The following TMEM132C variants were observed in gnomAD, a reference collection of about 807,000 sequenced individuals.
The protein encoded by TMEM132C is protein phosphatase 1, regulatory subunit 152.
TMEM132C carries 29 observed loss-of-function variants against 61.4 expected under a neutral mutation model. The observed-to-expected ratio is 0.47, with a 90% confidence interval of 0.35 to 0.64. The LOEUF is 0.64. Ranked by LOEUF, TMEM132C falls within the 30% of genes least tolerant of loss-of-function variation. The pLI is 0.00. For synonymous variants in TMEM132C, 656 were observed against 633.1 expected (o/e 1.04, Z -0.54); for missense variants, 1,408 against 1,476.9 (o/e 0.95, Z 0.76).
chr12:128,295,871 TTCTCTC>T (rs1315169600), intron 1 of TMEM132C, among the ~76,000 whole-genome samples: 3 of 152,220 alleles, frequency 2.0e-5, no homozygotes, highest in Admixed American at 2.0e-4. Flanking sequence ...TCCTCTGTCT[TTCTCTC>T]TGCTCTGTCA....
chr12:128,337,581 C>T (rs1243591543), intron 1 of TMEM132C, among the ~76,000 whole-genome samples: 15 of 152,242 alleles, frequency 9.9e-5, no homozygotes, highest in Admixed American at 9.2e-4. Flanking sequence ...TCTTGGAATC[C>T]AAATGAACCT....
chr12:128,680,479 T>C (rs1383426273), intron 5 of TMEM132C, among the ~76,000 whole-genome samples: 1 of 152,236 alleles, frequency 6.6e-6, no homozygotes, highest in Non-Finnish European at 1.5e-5. Context: ...CTGCTAACCA[T>C]GTGTGACTAT....
intron 2 of TMEM132C, among the ~76,000 whole-genome samples, chr12:128,485,686 A>T (rs1385928251): frequency 6.6e-6 from 1 of 152,066 alleles, no homozygotes. Flanking sequence ...ATCCATCCCC[A>T]ATGTCAGTAG....
At chr12:128,558,700 C>A (rs1159878144) in intron 3 of TMEM132C, among the ~76,000 whole-genome samples, 1 of 152,260 alleles carries the variant, frequency 6.6e-6, no homozygotes, top group Non-Finnish European at 1.5e-5. Context: ...TGTCCACCTC[C>A]CTCTTCCTTT....
chr12:128,310,243 A>G lies in TMEM132C; in HGVS notation c.85+42756A>G, dbSNP rs948327977. 1.2e-4 allele frequency among the ~76,000 whole-genome samples: 19 copies of G among 152,354 alleles called. No homozygotes were observed. The South Asian group carries it at 3.5e-3, about 28-fold the overall frequency. ...TGATTATTTTTATTAGTTAAATACC[A>G]TTAAATACAAAGGATGAAGCTAGAG... On this transcript the variant is annotated intron_variant, in intron 1 of 8. Transcript: ENST00000435159.
intron 1 of TMEM132C, among the ~76,000 whole-genome samples, chr12:128,271,144 C>A (rs969876892): frequency 6.6e-5 from 10 of 151,942 alleles, no homozygotes; most frequent in African/African-American, 2.4e-4. Flanking sequence ...ATCCCAGCTA[C>A]TCGGGAGACT....
At chr12:128,287,368 G>C (rs940636094) in intron 1 of TMEM132C, among the ~76,000 whole-genome samples, 19 of 152,290 alleles carry the variant, frequency 1.2e-4, no homozygotes, top group African/African-American at 4.3e-4. Flanking sequence ...ATAGTACAAA[G>C]AGTCTTACAT....
intron 4 of TMEM132C, among the ~76,000 whole-genome samples, chr12:128,618,896 A>G (rs942338091): frequency 6.6e-6 from 1 of 152,180 alleles, no homozygotes; most frequent in Non-Finnish European, 1.5e-5. Flanking sequence ...GGGATGTACA[A>G]CTTGACCTCA....
intron 4 of TMEM132C, among the ~76,000 whole-genome samples, chr12:128,665,134 C>T (rs1381426299): frequency 6.6e-6 from 1 of 150,916 alleles, no homozygotes; most frequent in African/African-American, 2.4e-5. Flanking sequence ...CACATAGGCA[C>T]ATGTACCCAT....
intron 1 of TMEM132C, among the ~76,000 whole-genome samples, chr12:128,271,571 G>A (rs773946698): frequency 2.0e-5 from 3 of 152,070 alleles, no homozygotes; most frequent in Non-Finnish European, 1.5e-5. Context: ...CAAAAGTGTC[G>A]AGAGTCTGCC....
In TMEM132C at chr12:128,343,632, C is replaced by G. The variant is rs568875702; in HGVS notation, c.86-71100C>G. On this transcript the variant is annotated intron_variant, in intron 1 of 8. Coordinates refer to ENST00000435159, the MANE Select transcript of TMEM132C (RefSeq NM_001136103.3). ...CATAATTTACATGCATAAAATTAAC[C>G]CTTTTAAAGTCTACGAGCCAATGAC... 3.3e-3 allele frequency among the ~76,000 whole-genome samples: 505 copies of G among 152,058 alleles called. 4 individuals carry two copies. Among genetic ancestry groups the G allele is most frequent in the African/African-American group, 9.5e-3 (396 of 41,484 alleles).
At chr12:128,510,401 G>A (rs982823476) in intron 2 of TMEM132C, among the ~76,000 whole-genome samples, 22 of 152,148 alleles carry the variant, frequency 1.4e-4, no homozygotes, top group South Asian at 4.1e-4. Context: ...TGCCAAGAGG[G>A]CAGATTTTCT....
chr12:128,405,539 G>T (rs1039616093), intron 1 of TMEM132C, among the ~76,000 whole-genome samples: 2 of 152,136 alleles, frequency 1.3e-5, no homozygotes, highest in Non-Finnish European at 2.9e-5. Context: ...TTTTGCAGCC[G>T]CTGTATCTTC....
chr12:128,655,761 A>G (rs1954320225), intron 4 of TMEM132C, among the ~76,000 whole-genome samples: 2 of 152,020 alleles, frequency 1.3e-5, no homozygotes, highest in South Asian at 4.2e-4. Context: ...GCCACCATCT[A>G]GCATCATTGC....
At chr12:128,664,762 C>T (rs1423786749) in intron 4 of TMEM132C, among the ~76,000 whole-genome samples, 1 of 152,196 alleles carries the variant, frequency 6.6e-6, no homozygotes, top group Non-Finnish European at 1.5e-5. Context: ...CGGCATCCAC[C>T]GCCAGCCAGC....
chr12:128,372,627 C>T (rs1236817233), intron 1 of TMEM132C, among the ~76,000 whole-genome samples: 1 of 152,046 alleles, frequency 6.6e-6, no homozygotes, highest in Non-Finnish European at 1.5e-5. Context: ...GAAGACTTAT[C>T]AAGATGCTGA....
chr12:128,640,031 G>A (rs1954145634), intron 4 of TMEM132C, among the ~76,000 whole-genome samples: 1 of 152,168 alleles, frequency 6.6e-6, no homozygotes, highest in African/African-American at 2.4e-5. Context: ...GCAACTCACA[G>A]ACCACAAGAC....
At chr12:128,525,782 C>A (rs1210014608) in intron 2 of TMEM132C, among the ~76,000 whole-genome samples, 1 of 152,180 alleles carries the variant, frequency 6.6e-6, no homozygotes, top group Non-Finnish European at 1.5e-5. Context: ...TGGAGAAATA[C>A]CTGCAACTCC....
rs73430875 is a variant in TMEM132C, at chr12:128,283,144, A to G, written c.85+15657A>G. ...GGATGGGTTCCTGGATTTCTTTTGT[A>G]CTCTATGGCTTACATTTCATTACTA... On this transcript the variant is annotated intron_variant, in intron 1 of 8. Transcript: ENST00000435159. Among the ~76,000 whole-genome samples the G allele has an allele frequency of 4.0e-3, 612 of 152,120 alleles. 5 individuals carry two copies. The highest frequency in any genetic ancestry group is 0.014 in the African/African-American group (575 of 41,510).
Sources: allele counts gnomAD v4.1 joint callset (sites outside exome capture counted in the v4.1 genomes callset), GRCh38; gene constraint gnomAD v4.1.1; transcripts MANE v1.5; gene names NCBI Gene and HGNC (gene_info 2026-07-23, HGNC 2026-07-21).